The following MAP2K5 variants were observed in gnomAD, a reference collection of about 807,000 sequenced individuals.
MAP2K5 encodes mitogen-activated protein kinase kinase 5.
In MAP2K5, 49 loss-of-function variants were observed where a neutral mutation model predicts 83.1. The ratio of observed to expected loss-of-function variants is 0.59; its 90% CI spans 0.47 to 0.75. The LOEUF is 0.75. Among genes scored for constraint, MAP2K5 ranks in the 30% least tolerant of loss-of-function variants. The pLI is 0.00. For synonymous variants in MAP2K5, 202 were observed against 191.8 expected (o/e 1.05, Z -0.44); for missense variants, 457 against 557.5 (o/e 0.82, Z 1.82).
At chr15:67,679,898 G>T (rs547164529) in intron 13 of MAP2K5, 2 of 152,220 alleles carry the variant, frequency 1.3e-5, no homozygotes, top group South Asian at 2.1e-4. Context: ...TTATAAAGTT[G>T]TGCAACCATA....
chr15:67,795,481 C>T (rs2090589395), intron 21 of MAP2K5, among the ~76,000 whole-genome samples: 1 of 152,164 alleles, frequency 6.6e-6, no homozygotes, highest in Non-Finnish European at 1.5e-5. Flanking sequence ...GACTTTTTTA[C>T]ACCAAATTAT....
At position 67,652,381 on chromosome 15, in the gene MAP2K5, A is replaced by G. The variant is rs983431881; in HGVS notation, c.736+5912A>G. ...TTTGGCTTATTATTTTGCAGGCTGTATAAGAAACATGGTGCCCAGCACCTG... is the reference window on the plus strand; with the variant it reads ...TTTGGCTTATTATTTTGCAGGCTGTGTAAGAAACATGGTGCCCAGCACCTG... On this transcript the variant is annotated intron_variant, in intron 11 of 21. Coordinates refer to ENST00000178640, the MANE Select transcript of MAP2K5 (RefSeq NM_145160.3). The surrounding 1 kb of genome is among the most constrained non-coding windows in gnomAD (Gnocchi z 4.2). 3.9e-5 allele frequency among the ~76,000 whole-genome samples: 6 copies of G among 152,200 alleles called. No individual in the cohort carries two copies. The East Asian group carries it at 7.7e-4, about 20-fold the overall frequency.
chr15:67,581,008 T>A (rs1362937391), intron 4 of MAP2K5, among the ~76,000 whole-genome samples, 185 bp downstream of exon 4: 1 of 152,192 alleles, frequency 6.6e-6, no homozygotes, highest in Non-Finnish European at 1.5e-5. Flanking sequence ...AAATATCTAA[T>A]TTACTAGAGT....
chr15:67,580,262 G>A (rs1010657999), intron 3 of MAP2K5, among the ~76,000 whole-genome samples: 5 of 152,130 alleles, frequency 3.3e-5, no homozygotes, highest in Admixed American at 6.5e-5. Context: ...GTCATCTTTG[G>A]ATGGGTCATA....
chr15:67,569,005 C>CA lies in MAP2K5; in HGVS notation c.252+5669dup, dbSNP rs71142380. On this transcript the variant is annotated intron_variant, in intron 3 of 21. Transcript: ENST00000178640. ...TGGGCGACAGAGCAAGACTCCATCT[C>CA]AAAAAAAAAAAAAACAAAAAAAAAA... 3.6e-3 allele frequency among the ~76,000 whole-genome samples: 329 copies of CA among 91,120 alleles called. 6 individuals are homozygous for CA. Among genetic ancestry groups the CA allele is most frequent in the African/African-American group, 5.7e-3 (135 of 23,492 alleles). 59.8% of individuals were successfully genotyped at this position (91,120 alleles called of 152,430 possible). A position where few individuals can be genotyped will look rare whatever the true frequency, so the allele number is the denominator to read the frequency against.
At chr15:67,600,080 G>A (rs1211271040) in intron 7 of MAP2K5, among the ~76,000 whole-genome samples, 1 of 152,086 alleles carries the variant, frequency 6.6e-6, no homozygotes, top group African/African-American at 2.4e-5. Context: ...TCGACTATAT[G>A]TGCATCTTAA....
At chr15:67,630,105 G>A (rs1279558380) in intron 8 of MAP2K5, among the ~76,000 whole-genome samples, 1 of 152,166 alleles carries the variant, frequency 6.6e-6, no homozygotes, top group Non-Finnish European at 1.5e-5. Flanking sequence ...ATGGTGGCAT[G>A]TGCCTATAGT....
chr15:67,604,519 T>C (rs964723652), intron 8 of MAP2K5, among the ~76,000 whole-genome samples: 3 of 152,210 alleles, frequency 2.0e-5, no homozygotes, highest in African/African-American at 7.2e-5. Flanking sequence ...CCTGCCTCTG[T>C]CACTAATTAG....
At chr15:67,648,901 A>G (rs988395301) in intron 11 of MAP2K5, among the ~76,000 whole-genome samples, 1 of 152,154 alleles carries the variant, frequency 6.6e-6, no homozygotes, top group Non-Finnish European at 1.5e-5. Context: ...TCTTTTGGGT[A>G]TATACCTAGG....
chr15:67,748,412 A>G lies in MAP2K5; in HGVS notation c.1101+155A>G, dbSNP rs1367643005. 1.2e-6 allele frequency: 1 copy of G among 829,562 alleles called. No homozygotes were observed. Among genetic ancestry groups the G allele is most frequent in the Non-Finnish European group, 1.9e-6 (1 of 513,400 alleles). 51.4% of individuals were successfully genotyped at this position (829,562 alleles called of 1,614,324 possible). The stretch of plus-strand genomic sequence containing the variant: ...TGTATTAGATTAGGTACCATTAGAA[A>G]TAATAGAACCTCCTGAGCATCAATG... On this transcript the variant is annotated intron_variant, in intron 18 of 21. Coordinates refer to ENST00000178640, the MANE Select transcript of MAP2K5 (RefSeq NM_145160.3). The surrounding 1 kb of genome is among the most constrained non-coding windows in gnomAD (Gnocchi z 4.0).
At chr15:67,630,082 A>C (rs981637542) in intron 8 of MAP2K5, among the ~76,000 whole-genome samples, 3 of 152,182 alleles carry the variant, frequency 2.0e-5, no homozygotes, top group African/African-American at 7.2e-5. Context: ...TACAAAAAAA[A>C]GTAAAAAGTA....
intron 8 of MAP2K5, among the ~76,000 whole-genome samples, chr15:67,624,434 A>G (rs2086264555): frequency 1.3e-5 from 2 of 151,682 alleles, no homozygotes; most frequent in Non-Finnish European, 2.9e-5. Context: ...CTCCCAGGAT[A>G]GATTGGCACT....
At chr15:67,670,912 A>G (rs1237104475) in intron 13 of MAP2K5, among the ~76,000 whole-genome samples, 1 of 152,184 alleles carries the variant, frequency 6.6e-6, no homozygotes, top group Non-Finnish European at 1.5e-5. Flanking sequence ...TTTTTTCCCC[A>G]GAGATATTAC....
intron 3 of MAP2K5, 74 bp from the exon 4 acceptor site, chr15:67,580,680 A>AT: frequency 3.1e-6 from 3 of 957,604 alleles, no homozygotes. Context: ...AGTACTGTGA[A>AT]TTAAACAACC....
intron 6 of MAP2K5, among the ~76,000 whole-genome samples, chr15:67,588,588 T>A (rs1378556099): frequency 6.6e-6 from 1 of 152,256 alleles, no homozygotes. Flanking sequence ...CCACATAGAT[T>A]ATAGTCAATC....
intron 2 of MAP2K5, among the ~76,000 whole-genome samples, chr15:67,551,585 G>A (rs2084511885): frequency 1.3e-5 from 2 of 152,194 alleles, no homozygotes; most frequent in East Asian, 3.9e-4. Flanking sequence ...CTCCTGCCTT[G>A]ACCTCCCTAA....
At chr15:67,670,489 CA>C (rs1308593820) in intron 13 of MAP2K5, 3 of 454,104 alleles carry the variant, frequency 6.6e-6, no homozygotes, top group Non-Finnish European at 1.3e-5. Context: ...CTCAGTAAAC[CA>C]AATTTTAAAA....
chr15:67,641,886 A>G (rs1327049947), intron 9 of MAP2K5, among the ~76,000 whole-genome samples: 1 of 152,216 alleles, frequency 6.6e-6, no homozygotes, highest in Non-Finnish European at 1.5e-5. Context: ...AAGCTCACTC[A>G]CAAGAATACA....
chr15:67,767,879 C>A (rs2090070609), intron 19 of MAP2K5, among the ~76,000 whole-genome samples: 1 of 152,088 alleles, frequency 6.6e-6, no homozygotes, highest in Non-Finnish European at 1.5e-5. Flanking sequence ...TATTTCACTC[C>A]CATTTTTCCT....
Sources: allele counts gnomAD v4.1 joint callset (sites outside exome capture counted in the v4.1 genomes callset), GRCh38; gene constraint gnomAD v4.1.1; non-coding constraint Gnocchi (gnomAD v3.1); transcripts MANE v1.5; gene names NCBI Gene and HGNC (gene_info 2026-07-23, HGNC 2026-07-21).